AFG3L2: variants seen among roughly 807,000 people sequenced by gnomAD.
The protein encoded by AFG3L2 is mitochondrial inner membrane m-AAA protease component AFG3L2.
AFG3L2 carries 54 observed loss-of-function variants against 94.5 expected under a neutral mutation model. That is an observed-to-expected ratio of 0.57 (90% CI 0.46 to 0.72). The LOEUF is 0.72. Among genes scored for constraint, AFG3L2 ranks in the 30% least tolerant of loss-of-function variants. The pLI is 0.00. For missense variants in AFG3L2, 754 were observed against 994.9 expected, an observed-to-expected ratio of 0.76 and a Z score of 3.26; for synonymous variants, 377 against 365.5, an observed-to-expected ratio of 1.03 and a Z score of -0.36.
intron 16 of AFG3L2, among the ~76,000 whole-genome samples, chr18:12,333,812 C>T (rs1028056393): frequency 4.6e-5 from 7 of 152,180 alleles, no homozygotes; most frequent in Non-Finnish European, 1.0e-4. Context: ...GGCAGCCCTC[C>T]GCAGCTGCCT....
intron 16 of AFG3L2, among the ~76,000 whole-genome samples, chr18:12,335,579 G>A (rs79274954): frequency 0.021 from 3,219 of 152,236 alleles, 119 homozygotes; most frequent in African/African-American, 0.074. Flanking sequence ...CAACCTTGAC[G>A]AAACAAACCT....
intron 16 of AFG3L2, among the ~76,000 whole-genome samples, chr18:12,334,868 A>G (rs1907692142): frequency 6.6e-6 from 1 of 152,218 alleles, no homozygotes. Context: ...GCTGGGTTAG[A>G]TCATTTTTAA....
In AFG3L2 at chr18:12,329,334, A is replaced by T. The variant is rs969378273; in HGVS notation, c.*231T>A. 8.9e-6 allele frequency: 6 copies of T among 673,242 alleles called. No individual in the cohort carries two copies. Among genetic ancestry groups the T allele is most frequent in the Non-Finnish European group, 1.3e-5 (5 of 373,066 alleles). The allele number at this position is 673,242 out of a possible 1,614,324, so 41.7% of individuals were successfully genotyped here. ...ACCTTTCCAGCACGTCTGGGAGCCC[A>T]ATGAGGCTATGGGACAGTGTGCATT... On this transcript the variant is annotated 3_prime_UTR_variant, in exon 17 of 17. Coordinates refer to ENST00000269143, the MANE Select transcript of AFG3L2 (RefSeq NM_006796.3).
intron 16 of AFG3L2, among the ~76,000 whole-genome samples, chr18:12,336,047 C>G (rs1483891978): frequency 6.6e-6 from 1 of 152,182 alleles, no homozygotes; most frequent in Non-Finnish European, 1.5e-5. Context: ...ACACTGTCCT[C>G]ACTTGTTCCC....
intron 16 of AFG3L2, among the ~76,000 whole-genome samples, chr18:12,336,842 G>A (rs1178649722): frequency 6.6e-6 from 1 of 152,130 alleles, no homozygotes; most frequent in Non-Finnish European, 1.5e-5. Context: ...TATCAAATGA[G>A]GTACAACAAC....
intron 15 of AFG3L2, 72 bp downstream of exon 15, chr18:12,340,129 C>T: frequency 3.0e-6 from 4 of 1,348,268 alleles, no homozygotes; most frequent in Non-Finnish European, 4.2e-6. Flanking sequence ...GTTTCAGAGC[C>T]ATTCATAGAA....
intron 9 of AFG3L2, among the ~76,000 whole-genome samples, chr18:12,354,933 G>A (rs1908442416): frequency 6.6e-6 from 1 of 152,138 alleles, no homozygotes; most frequent in Non-Finnish European, 1.5e-5. Flanking sequence ...GTGAAGGTGA[G>A]GCCGGACAAG....
At chr18:12,349,933 A>T (rs1483640154) in intron 12 of AFG3L2, among the ~76,000 whole-genome samples, 1 of 151,690 alleles carries the variant, frequency 6.6e-6, no homozygotes, top group Non-Finnish European at 1.5e-5. Flanking sequence ...AAGTGCTGGG[A>T]TTACAGGTGT....
intron 5 of AFG3L2, among the ~76,000 whole-genome samples, chr18:12,365,397 T>G (rs1908775079): frequency 6.6e-6 from 1 of 152,158 alleles, no homozygotes; most frequent in African/African-American, 2.4e-5. Context: ...CCACTACATC[T>G]GAGAATTACA....
At chr18:12,351,458 A>G (rs751832459) in intron 10 of AFG3L2, 45 bp from the exon 11 acceptor site, 1 of 1,523,696 alleles carries the variant, frequency 6.6e-7, no homozygotes, top group Non-Finnish European at 9.1e-7. Flanking sequence ...GACAAGAGGC[A>G]GAAAGCAACA....
At position 12,371,637 on chromosome 18, in the gene AFG3L2, C is replaced by A. The variant is rs768499350; in HGVS notation, c.169G>T (p.Asp57Tyr). Residue 57 changes from aspartate to tyrosine, a missense_variant, in exon 2 of 17, where the codon GAT (aspartate) becomes TAT (tyrosine). Coordinates refer to ENST00000269143, the MANE Select transcript of AFG3L2 (RefSeq NM_006796.3). Reference protein sequence around the residue: ...ARASRNSLLTDIIAAYQRFCS... With the variant: ...ARASRNSLLTYIIAAYQRFCS... Reference sequence around the variant, plus strand: ...AATCTTTGATAAGCAGCAATTATATCTGTCAAAAGAGAATTTCTGCTGGCC... The same window carrying A: ...AATCTTTGATAAGCAGCAATTATATATGTCAAAAGAGAATTTCTGCTGGCC... 1 of 1,614,096 alleles carries A rather than the reference C, an allele frequency of 6.2e-7. No homozygotes were observed. The highest frequency in any genetic ancestry group is 2.2e-5 in the East Asian group (1 of 44,874).
chr18:12,360,454 G>A (rs1908625216), intron 6 of AFG3L2, among the ~76,000 whole-genome samples: 1 of 152,080 alleles, frequency 6.6e-6, no homozygotes. Context: ...AGTTTACTGG[G>A]CATGTACTAA....
At chr18:12,329,900 G>C (rs895609585) in intron 16 of AFG3L2, 117 bp from the exon 17 acceptor site, 1 of 879,798 alleles carries the variant, frequency 1.1e-6, no homozygotes, top group Non-Finnish European at 1.8e-6. Context: ...CAATGAAAAA[G>C]ATGTCTCATA....
Position 12,329,282 on chromosome 18 carries a change from G to T in AFG3L2, c.*283C>A, listed in dbSNP as rs939147580. The T allele has an allele frequency of 1.4e-6, 1 of 698,044 alleles. No individual in the cohort carries two copies. The highest frequency in any genetic ancestry group is 2.6e-6 in the Non-Finnish European group (1 of 382,884). 43.2% of individuals were successfully genotyped at this position (698,044 alleles called of 1,614,324 possible). A position where few individuals can be genotyped will look rare whatever the true frequency, so the allele number is the denominator to read the frequency against. On this transcript the variant is annotated 3_prime_UTR_variant, in exon 17 of 17. Coordinates refer to ENST00000269143, the MANE Select transcript of AFG3L2 (RefSeq NM_006796.3). ...CAGCCGACCCCACTTGGTGCCACAGGGTCCAGCCTCGGCCACTCTGGGCTC... is the reference window on the plus strand; with the variant it reads ...CAGCCGACCCCACTTGGTGCCACAGTGTCCAGCCTCGGCCACTCTGGGCTC...
chr18:12,329,776 A>C lies in AFG3L2; in HGVS notation c.2183T>G (p.Leu728Arg), dbSNP rs1258415605. 1.2e-6 allele frequency: 2 copies of C among 1,613,144 alleles called. No homozygotes were observed. Among genetic ancestry groups the C allele is most frequent in the East Asian group, 4.5e-5 (2 of 44,878 alleles). The change falls in exon 17 of 17, where the codon CTT (leucine) becomes CGT (arginine). Residue 728 changes from leucine to arginine, a missense_variant. Leu to Arg is a moderately radical substitution (Grantham distance 102). Transcript: ENST00000269143. Reference protein sequence around the residue: ...EKKADVEKVALLLLEKEVLDK... With the variant: ...EKKADVEKVARLLLEKEVLDK... ...TAATACTTCTTTTTCTAACAACAGAAGAGCAACCTGAAATATGAACAATTT... is the reference window on the plus strand; with the variant it reads ...TAATACTTCTTTTTCTAACAACAGACGAGCAACCTGAAATATGAACAATTT...
At chr18:12,337,177 C>T (rs890616881) in intron 16 of AFG3L2, 164 bp downstream of exon 16, 7 of 693,616 alleles carry the variant, frequency 1.0e-5, no homozygotes, top group East Asian at 2.7e-5. Flanking sequence ...TTGCAACCCC[C>T]GCTTGAAGAC....
At position 12,333,254 on chromosome 18, in the gene AFG3L2, ATAGAT is replaced by A. The variant is rs1907634584; in HGVS notation, c.2176-3476_2176-3472del. 2.4e-5 allele frequency among the ~76,000 whole-genome samples: 3 copies of A among 127,602 alleles called. No individual in the cohort carries two copies. In the South Asian group the frequency reaches 6.6e-4, roughly 28 times the overall value. The allele number at this position is 127,602 out of a possible 152,430, so 83.7% of individuals were successfully genotyped here. On this transcript the variant is annotated intron_variant, in intron 16 of 16. Transcript: ENST00000269143. ...ATATGATATATAATTATATAAATAT[ATAGAT>A]TATATATTATAAATATAGATTATAT...
Position 12,329,498 on chromosome 18 carries a change from C to T in AFG3L2, c.*67G>A, listed in dbSNP as rs1249539139. The stretch of plus-strand genomic sequence containing the variant: ...CGCAGCATTCCCATTCTTCTGAAAG[C>T]CACAGCTGAAATAATGCACCAGCTG... On this transcript the variant is annotated 3_prime_UTR_variant, in exon 17 of 17. Transcript: ENST00000269143. 3 of 1,498,006 alleles carry T rather than the reference C, an allele frequency of 2.0e-6. No individual in the cohort carries two copies. The highest frequency in any genetic ancestry group is 2.8e-6 in the Non-Finnish European group (3 of 1,076,012). 92.8% of individuals were successfully genotyped at this position (1,498,006 alleles called of 1,614,324 possible).
chr18:12,363,829 G>A lies in AFG3L2; in HGVS notation c.580C>T (p.Arg194Cys), dbSNP rs1020519204. The A allele has an allele frequency of 3.1e-6, 5 of 1,613,168 alleles. No individual in the cohort carries two copies. The highest frequency in any genetic ancestry group is 3.3e-5 in the Admixed American group (2 of 60,006). The change falls in exon 6 of 17, where the codon CGT (arginine) becomes TGT (cysteine). Residue 194 changes from arginine (R) to cysteine (C), a missense_variant. Physicochemically the swap from Arg to Cys is radical, Grantham distance 180. Coordinates refer to ENST00000269143, the MANE Select transcript of AFG3L2 (RefSeq NM_006796.3). ...GGTGTAAAGGTCACTCGAACAAAAC[G>A]CTTGTTGACGACTTCCAATCTGTCT... is the stretch of plus-strand genomic sequence containing the variant. ...VVDRLEVVNKRFVRVTFTPGK... is the reference protein window; with the variant it reads ...VVDRLEVVNKCFVRVTFTPGK...
Sources: allele counts gnomAD v4.1 joint callset (sites outside exome capture counted in the v4.1 genomes callset), GRCh38; gene constraint gnomAD v4.1.1; transcripts MANE v1.5; gene names NCBI Gene and HGNC (gene_info 2026-07-23, HGNC 2026-07-21).